Variants in IL6R observed in about 807,000 individuals in gnomAD.
IL6R encodes interleukin-6 receptor subunit alpha.
A neutral mutation model predicts 48.3 loss-of-function variants in IL6R; 38 were observed. That is an observed-to-expected ratio of 0.79 (90% confidence interval 0.61 to 1.03). The LOEUF is 1.03. IL6R is among the 50% of genes least tolerant of loss of function. The pLI, the probability that IL6R is intolerant of heterozygous loss-of-function variation, is 0.00. For missense variants in IL6R, 534 were observed against 618.3 expected (o/e 0.86, Z 1.45); for synonymous variants, 264 against 256.2 (o/e 1.03, Z -0.29).
At position 154,434,558 on chromosome 1, in the gene IL6R, G is replaced by A; in HGVS notation, c.498G>A (p.Gln166=). The A allele has an allele frequency of 6.2e-7, 1 of 1,614,036 alleles. No individual in the cohort carries two copies. Among genetic ancestry groups the A allele is most frequent in the Non-Finnish European group, 8.5e-7 (1 of 1,180,008 alleles). Residue 166 remains glutamine (Q), a synonymous_variant, in exon 4 of 10, where the codon CAG becomes CAA. Transcript: ENST00000368485. ...SPAEDFQEPC[Q]YSQESQKFSC... is the part of the protein sequence containing the mutation. ...CCGAAGACTTCCAGGAGCCGTGCCA[G>A]TATTCCCAGGAGTCCCAGAAGTTCT...
In IL6R at chr1:154,405,571, C is replaced by T. The variant is rs1687654820; in HGVS notation, c.-59C>T. ...CCCCGCCCCTGCCACCCCTGCCGCC[C>T]GGTTCCCATTAGCCTGTCCGCCTCT... On this transcript the variant is annotated 5_prime_UTR_variant, in exon 1 of 10. Coordinates refer to ENST00000368485, the MANE Select transcript of IL6R (RefSeq NM_000565.4). This position sits in a 1 kb window ranked among gnomAD's most constrained non-coding sequence, Gnocchi z 5.2. The T allele has an allele frequency of 3.1e-6, 4 of 1,296,658 alleles. No individual in the cohort carries two copies. The highest frequency in any genetic ancestry group is 1.3e-5 in the South Asian group (1 of 75,810). The allele number at this position is 1,296,658 out of a possible 1,614,324, so 80.3% of individuals were successfully genotyped here.
At chr1:154,409,153 G>C (rs1433258849) in intron 1 of IL6R, among the ~76,000 whole-genome samples, 1 of 152,126 alleles carries the variant, frequency 6.6e-6, no homozygotes, top group Non-Finnish European at 1.5e-5. Context: ...TAATTTAAAT[G>C]AAATCAAATA....
intron 1 of IL6R, among the ~76,000 whole-genome samples, chr1:154,411,947 C>CT (rs1179153554): frequency 0.032 from 4,196 of 132,608 alleles, 251 homozygotes; most frequent in African/African-American, 0.1. Flanking sequence ...TCCTAAGAGC[C>CT]TTTTTTTTTT....
chr1:154,459,309 G>A (rs1691108268), intron 9 of IL6R, among the ~76,000 whole-genome samples: 1 of 152,228 alleles, frequency 6.6e-6, no homozygotes, highest in Admixed American at 6.5e-5. Context: ...CCTGTGCTGA[G>A]AACATGCCAG....
At chr1:154,436,272 C>A (rs890675730) in intron 6 of IL6R, among the ~76,000 whole-genome samples, 162 bp downstream of exon 6, 30 of 152,150 alleles carry the variant, frequency 2.0e-4, no homozygotes, top group Non-Finnish European at 4.3e-4. Flanking sequence ...GGGTGGATTG[C>A]CTGAGGTCAG....
intron 6 of IL6R, among the ~76,000 whole-genome samples, chr1:154,441,875 C>T (rs1248023815): frequency 3.3e-5 from 5 of 152,202 alleles, no homozygotes; most frequent in Admixed American, 3.3e-4. Context: ...GTTCAGCTCT[C>T]AGAGCCTCAG....
chr1:154,436,087 AG>A lies in IL6R; in HGVS notation c.928del (p.Ala310ProfsTer77). ...GGCGAGTGGAGCGAGTGGAGCCCGG[AG>A]GCCATGGGCACGCCTTGGACAGGTA... ...GQGEWSEWSP[E>X]AMGTPWTESR... On this transcript the variant is annotated frameshift_variant, in exon 6 of 10. Coordinates refer to ENST00000368485, the MANE Select transcript of IL6R (RefSeq NM_000565.4). LOFTEE classifies it high-confidence loss of function. 1 of 1,612,386 alleles carries A rather than the reference AG, an allele frequency of 6.2e-7. No homozygotes were observed. Among genetic ancestry groups the A allele is most frequent in the Non-Finnish European group, 8.5e-7 (1 of 1,178,890 alleles).
chr1:154,413,563 G>T (rs1286962209), intron 1 of IL6R, among the ~76,000 whole-genome samples: 1 of 151,052 alleles, frequency 6.6e-6, no homozygotes, highest in Non-Finnish European at 1.5e-5. Context: ...TATTAACCTG[G>T]TATCTACACA....
intron 6 of IL6R, 82 bp from the exon 7 acceptor site, chr1:154,448,043 T>G (rs1301280088): frequency 1.7e-6 from 2 of 1,175,974 alleles, no homozygotes; most frequent in Admixed American, 1.8e-5. Context: ...GAGATGAACT[T>G]TTTTTTTCTG....
intron 8 of IL6R, among the ~76,000 whole-genome samples, chr1:154,452,613 C>T (rs956036293): frequency 6.6e-6 from 1 of 150,474 alleles, no homozygotes; most frequent in East Asian, 2.0e-4. Flanking sequence ...AGGTGGATCA[C>T]GAGGTCAGGA....
chr1:154,465,639 C>A lies in IL6R; in HGVS notation c.*259C>A. ...TGAACTTGGGCCACTGTGAAGAGAA[C>A]CATATCAAGACTCTTTGGACACTCA... On this transcript the variant is annotated 3_prime_UTR_variant, in exon 10 of 10. Coordinates refer to ENST00000368485, the MANE Select transcript of IL6R (RefSeq NM_000565.4). 7.8e-6 allele frequency: 4 copies of A among 510,132 alleles called. No homozygotes were observed. Among genetic ancestry groups the A allele is most frequent in the Non-Finnish European group, 1.1e-5 (3 of 280,384 alleles). 31.6% of individuals were successfully genotyped at this position (510,132 alleles called of 1,614,324 possible). A position where few individuals can be genotyped will look rare whatever the true frequency, so the allele number is the denominator to read the frequency against.
At chr1:154,431,649 G>A (rs1003240585) in intron 3 of IL6R, among the ~76,000 whole-genome samples, 57 of 152,268 alleles carry the variant, frequency 3.7e-4, no homozygotes, top group African/African-American at 1.2e-3. Flanking sequence ...TGAAATGCCT[G>A]CATGATGGGA....
intron 1 of IL6R, chr1:154,418,464 T>C (rs1178643186): frequency 1.1e-6 from 1 of 946,438 alleles, no homozygotes; most frequent in Non-Finnish European, 1.3e-6. Flanking sequence ...TACAAGCAGG[T>C]ACAAGAAGTA....
intron 6 of IL6R, among the ~76,000 whole-genome samples, chr1:154,446,772 T>C (rs1034226538): frequency 5.3e-5 from 8 of 152,180 alleles, no homozygotes; most frequent in African/African-American, 1.9e-4. Context: ...AAAAGGTGCA[T>C]AGAAGGAAAT....
rs569016998 is a variant in IL6R at position 154,467,766 on chromosome 1, AG to A, written c.*2388del. The A allele has an allele frequency of 3.9e-5, 6 of 152,198 alleles. No homozygotes were observed. The highest frequency in any genetic ancestry group is 8.8e-5 in the Non-Finnish European group (6 of 68,038). 9.4% of individuals were successfully genotyped at this position (152,198 alleles called of 1,614,324 possible). A position where few individuals can be genotyped will look rare whatever the true frequency, so the allele number is the denominator to read the frequency against. On this transcript the variant is annotated 3_prime_UTR_variant, in exon 10 of 10. Coordinates refer to ENST00000368485, the MANE Select transcript of IL6R (RefSeq NM_000565.4). ...GAACAATAACAGTTAAGAAAAAAAA[AG>A]GCAGGCAGGCGGTTATGGTGGTTCC...
rs1687647834 is a variant in IL6R, at chr1:154,405,499, G to C, written c.-131G>C. On this transcript the variant is annotated 5_prime_UTR_variant, in exon 1 of 10. An upstream start codon of the reference 5' UTR is lost. Coordinates refer to ENST00000368485, the MANE Select transcript of IL6R (RefSeq NM_000565.4). The surrounding 1 kb of genome is among the most constrained non-coding windows in gnomAD (Gnocchi z 5.2). The stretch of plus-strand genomic sequence containing the variant: ...TGTAGAGAGCCGGGCTCCTGCGGAT[G>C]GGGGCTGCCCCCGGGGCCTGAGCCC... 4.0e-6 allele frequency: 3 copies of C among 754,848 alleles called. No homozygotes were observed. Among genetic ancestry groups the C allele is most frequent in the Non-Finnish European group, 6.0e-6 (3 of 497,550 alleles). 46.8% of individuals were successfully genotyped at this position (754,848 alleles called of 1,614,324 possible).
intron 6 of IL6R, among the ~76,000 whole-genome samples, chr1:154,438,183 T>A (rs1041836464): frequency 1.3e-5 from 2 of 151,956 alleles, no homozygotes; most frequent in African/African-American, 4.8e-5. Context: ...GGTGCCCTCC[T>A]TAACTCTAAA....
At chr1:154,418,964 GGAAGAGGAGA>G (rs1688504192) in intron 1 of IL6R, among the ~76,000 whole-genome samples, 1 of 152,102 alleles carries the variant, frequency 6.6e-6, no homozygotes, top group Admixed American at 6.6e-5. Context: ...AGAAGAGCAG[GGAAGAGGAGA>G]GGAAATTGGG....
At chr1:154,443,211 GT>G in intron 6 of IL6R, among the ~76,000 whole-genome samples, 1 of 152,210 alleles carries the variant, frequency 6.6e-6, no homozygotes, top group Non-Finnish European at 1.5e-5. Flanking sequence ...GATACCAAAG[GT>G]TTGCATTTGC....
Sources: gnomAD v4.1 joint callset for allele counts (sites outside exome capture counted in the v4.1 genomes callset) on GRCh38, gnomAD v4.1.1 for gene constraint, Gnocchi (gnomAD v3.1) non-coding constraint, MANE v1.5 for transcripts, NCBI Gene and HGNC (gene_info 2026-07-23, HGNC 2026-07-21) for gene names.